PTPRK: variants seen among roughly 807,000 people sequenced by gnomAD.
The protein encoded by PTPRK is receptor-type tyrosine-protein phosphatase kappa.
PTPRK carries 75 observed loss-of-function variants against 178.0 expected under a neutral mutation model. The observed-to-expected ratio is 0.42, with a 90% CI of 0.35 to 0.51. The LOEUF (loss-of-function observed/expected upper bound fraction) is 0.51. Among genes scored for constraint, PTPRK ranks in the 20% least tolerant of loss-of-function variants. The probability of loss-of-function intolerance (pLI) is 0.02; values close to 1 mark genes in which losing one functional copy is unlikely to be tolerated. For missense variants in PTPRK, 1,441 were observed against 1,797.8 expected, an observed-to-expected ratio of 0.80 and a Z score of 3.59; for synonymous variants, 637 against 620.6, an observed-to-expected ratio of 1.03 and a Z score of -0.39.
intron 2 of PTPRK, among the ~76,000 whole-genome samples, chr6:128,388,963 T>C (rs1562417031): frequency 2.0e-5 from 3 of 152,152 alleles, no homozygotes; most frequent in Non-Finnish European, 4.4e-5. Flanking sequence ...GGGAGGAACA[T>C]ACAGAAATAC....
chr6:127,995,020 T>C (rs977750616), intron 18 of PTPRK, among the ~76,000 whole-genome samples: 2 of 151,806 alleles, frequency 1.3e-5, no homozygotes, highest in Non-Finnish European at 2.9e-5. Context: ...TAATAAACTG[T>C]CAAAGCTAAA....
chr6:128,073,749 C>T (rs1266428345), intron 11 of PTPRK, among the ~76,000 whole-genome samples: 1 of 152,014 alleles, frequency 6.6e-6, no homozygotes, highest in African/African-American at 2.4e-5. Context: ...TATAATGATT[C>T]TACCTACTAT....
chr6:128,101,301 G>A (rs990072110), intron 7 of PTPRK, among the ~76,000 whole-genome samples: 11 of 151,928 alleles, frequency 7.2e-5, no homozygotes, highest in African/African-American at 2.7e-4. Flanking sequence ...TTTCCATCTG[G>A]ATGCTAATAT....
rs117630785 is a variant in PTPRK at position 128,095,788 on chromosome 6, T to C, written c.1163-5796A>G. Among the ~76,000 whole-genome samples the C allele has an allele frequency of 3.9e-3, 594 of 152,332 alleles. 4 individuals carry two copies. Among genetic ancestry groups the C allele is most frequent in the Non-Finnish European group, 6.2e-3 (421 of 68,020 alleles). On this transcript the variant is annotated intron_variant, in intron 7 of 29. Coordinates refer to ENST00000368226, the MANE Select transcript of PTPRK (RefSeq NM_002844.4). ...GTGCTCTTCCATTCTACTCTTTAGC[T>C]GATGAATCTTGACTTATTTTATTAT...
rs542866497 is a variant in PTPRK, at chr6:128,056,553, T to C, written c.2194+8205A>G. ...TCTTCTCCTGTCTCAGCCTCCCAAG[T>C]AGCTGGGATTACAGGTGCCCGCCAC... On this transcript the variant is annotated intron_variant, in intron 13 of 29. Transcript: ENST00000368226. Among the ~76,000 whole-genome samples, 329 of 152,012 alleles carry C rather than the reference T, an allele frequency of 2.2e-3. 1 individual carries two copies. Among genetic ancestry groups the C allele is most frequent in the African/African-American group, 7.4e-3 (306 of 41,452 alleles).
chr6:128,427,853 G>A (rs1844349264), intron 1 of PTPRK, among the ~76,000 whole-genome samples: 1 of 152,158 alleles, frequency 6.6e-6, no homozygotes, highest in Non-Finnish European at 1.5e-5. Context: ...AGCACTATGG[G>A]AGGCTGAGGC....
chr6:128,181,624 A>G (rs1245275738), intron 7 of PTPRK, among the ~76,000 whole-genome samples: 5 of 152,112 alleles, frequency 3.3e-5, no homozygotes, highest in East Asian at 3.9e-4. Context: ...TGAAGCATTT[A>G]TAAGTTTTTG....
At chr6:128,131,384 G>A (rs921855506) in intron 7 of PTPRK, among the ~76,000 whole-genome samples, 26 of 152,136 alleles carry the variant, frequency 1.7e-4, no homozygotes, top group African/African-American at 5.3e-4. Flanking sequence ...AAATCTATGC[G>A]GAGCCACATC....
intron 3 of PTPRK, among the ~76,000 whole-genome samples, chr6:128,276,415 C>G (rs1448309437): frequency 6.6e-6 from 1 of 151,906 alleles, no homozygotes; most frequent in Non-Finnish European, 1.5e-5. Context: ...CTAAAGGAAG[C>G]TGAAAGGATA....
intron 13 of PTPRK, among the ~76,000 whole-genome samples, chr6:128,018,366 C>A (rs1402386107): frequency 6.6e-6 from 1 of 152,054 alleles, no homozygotes; most frequent in Non-Finnish European, 1.5e-5. Flanking sequence ...CTAGGGTTAA[C>A]TGAACTAATT....
At chr6:128,128,842 G>A (rs967317977) in intron 7 of PTPRK, among the ~76,000 whole-genome samples, 5 of 152,122 alleles carry the variant, frequency 3.3e-5, no homozygotes, top group East Asian at 1.9e-4. Flanking sequence ...ACTTTTGTAC[G>A]TTCACAAGCT....
At chr6:128,472,775 C>A in intron 1 of PTPRK, 3 of 250,428 alleles carry the variant, frequency 1.2e-5, no homozygotes, top group Middle Eastern at 4.4e-4. Flanking sequence ...CATTGATACA[C>A]CACAGTTATA....
intron 13 of PTPRK, among the ~76,000 whole-genome samples, chr6:128,044,987 A>G (rs1450726231): frequency 6.6e-6 from 1 of 152,000 alleles, no homozygotes; most frequent in Non-Finnish European, 1.5e-5. Context: ...TGAATAAATG[A>G]ATAAATTTGT....
chr6:128,294,093 A>T (rs1823857899), intron 3 of PTPRK, among the ~76,000 whole-genome samples: 1 of 152,126 alleles, frequency 6.6e-6, no homozygotes, highest in Non-Finnish European at 1.5e-5. Flanking sequence ...AAGGACAATT[A>T]AAAATGTTTA....
intron 2 of PTPRK, among the ~76,000 whole-genome samples, chr6:128,392,021 A>C (rs887204701): frequency 5.3e-5 from 8 of 152,086 alleles, no homozygotes; most frequent in Non-Finnish European, 8.8e-5. Context: ...TGAATAAAAA[A>C]ACACACCAAA....
chr6:128,006,397 T>C (rs1384780669), intron 14 of PTPRK, among the ~76,000 whole-genome samples: 2 of 150,998 alleles, frequency 1.3e-5, no homozygotes, highest in Non-Finnish European at 3.0e-5. Context: ...TATCTAAATA[T>C]GACAGATGGA....
At chr6:128,013,815 T>C (rs118019346) in intron 13 of PTPRK, among the ~76,000 whole-genome samples, 3 of 151,610 alleles carry the variant, frequency 2.0e-5, no homozygotes, top group Non-Finnish European at 4.4e-5. Context: ...CTCAGGCAGA[T>C]CACACAGCAG....
chr6:128,413,177 T>A (rs1027489302), intron 1 of PTPRK, among the ~76,000 whole-genome samples: 1 of 152,128 alleles, frequency 6.6e-6, no homozygotes, highest in Admixed American at 6.5e-5. Flanking sequence ...AAGGCAATTA[T>A]ATTCTAAACT....
chr6:128,268,476 A>G (rs1819293315), intron 3 of PTPRK, among the ~76,000 whole-genome samples: 1 of 152,006 alleles, frequency 6.6e-6, no homozygotes. Flanking sequence ...AGCTATTAGA[A>G]ATGCTTATGA....
Sources: gnomAD v4.1 joint callset for allele counts (sites outside exome capture counted in the v4.1 genomes callset) on GRCh38, gnomAD v4.1.1 for gene constraint, MANE v1.5 for transcripts, NCBI Gene and HGNC (gene_info 2026-07-23, HGNC 2026-07-21) for gene names.